PJA2: variants seen among roughly 807,000 people sequenced by gnomAD.
The protein encoded by PJA2 is praja ring finger ubiquitin ligase 2.
In PJA2, 25 loss-of-function variants were observed where a neutral mutation model predicts 69.3. The ratio of observed to expected loss-of-function variants is 0.36; its 90% CI spans 0.26 to 0.50. The LOEUF (loss-of-function observed/expected upper bound fraction) is 0.50. Among genes scored for constraint, PJA2 ranks in the 20% least tolerant of loss-of-function variants. The pLI, the probability that PJA2 is intolerant of heterozygous loss-of-function variation, is 0.96. For missense variants in PJA2, 809 were observed against 830.2 expected (o/e 0.97, Z 0.31); for synonymous variants, 308 against 277.8 (o/e 1.11, Z -1.08).
chr5:109,370,561 G>A (rs896755566), intron 4 of PJA2, among the ~76,000 whole-genome samples: 1 of 152,132 alleles, frequency 6.6e-6, no homozygotes, highest in Non-Finnish European at 1.5e-5. Context: ...CAACTAAAAG[G>A]TGTTCTTTCA....
At chr5:109,374,461 G>C (rs762123660) in intron 4 of PJA2, among the ~76,000 whole-genome samples, 3 of 152,166 alleles carry the variant, frequency 2.0e-5, no homozygotes, top group African/African-American at 7.2e-5. Flanking sequence ...CAGGAAAGGC[G>C]CTTAATTCAG....
At chr5:109,364,143 A>C (rs1446920462) in intron 5 of PJA2, among the ~76,000 whole-genome samples, 1 of 152,114 alleles carries the variant, frequency 6.6e-6, no homozygotes. Flanking sequence ...ACTGTGTCTC[A>C]AAAAACAAAA....
At chr5:109,362,275 C>T (rs894377432) in intron 6 of PJA2, among the ~76,000 whole-genome samples, 6 of 152,120 alleles carry the variant, frequency 3.9e-5, no homozygotes, top group Admixed American at 1.3e-4. Context: ...AGCATTGTAT[C>T]GTAAGAAGTA....
intron 9 of PJA2, among the ~76,000 whole-genome samples, chr5:109,337,684 GCACATGTC>G (rs1317016023): frequency 6.6e-6 from 1 of 152,074 alleles, no homozygotes; most frequent in Non-Finnish European, 1.5e-5. Context: ...AAGAATCATG[GCACATGTC>G]CACATGGAGG....
rs1212827902 is a variant in PJA2, at chr5:109,335,414, AAAG to A, written c.*1814_*1816del. The stretch of plus-strand genomic sequence containing the variant: ...AGATAATAGCTAAATCTTAACAGAC[AAAG>A]AAGAAATATTTTCTTTGGGACAGCT... On this transcript the variant is annotated 3_prime_UTR_variant, in exon 10 of 10. Transcript: ENST00000361189. The A allele has an allele frequency of 6.5e-6, 1 of 152,676 alleles. No homozygotes were observed. Among genetic ancestry groups the A allele is most frequent in the Non-Finnish European group, 1.5e-5 (1 of 68,040 alleles). 9.5% of individuals were successfully genotyped at this position (152,676 alleles called of 1,614,324 possible). A position where few individuals can be genotyped will look rare whatever the true frequency, so the allele number is the denominator to read the frequency against.
intron 1 of PJA2, among the ~76,000 whole-genome samples, chr5:109,390,078 T>C (rs1284470091): frequency 6.6e-6 from 1 of 152,026 alleles, no homozygotes; most frequent in Non-Finnish European, 1.5e-5. Context: ...TTGAATATAA[T>C]GTTCTATAAA....
chr5:109,368,881 G>T, intron 4 of PJA2, 135 bp from the exon 5 acceptor site: 1 of 868,560 alleles, frequency 1.2e-6, no homozygotes, highest in Non-Finnish European at 1.7e-6. Context: ...AAATGTTGGA[G>T]ATGGGGCCTG....
chr5:109,356,219 G>A (rs1262103919), intron 6 of PJA2, among the ~76,000 whole-genome samples, 193 bp from the exon 7 acceptor site: 4 of 152,232 alleles, frequency 2.6e-5, no homozygotes, highest in East Asian at 1.9e-4. Flanking sequence ...TGCTAAAGAT[G>A]AGTAGTTAAG....
intron 5 of PJA2, 21 bp from the exon 6 acceptor site, chr5:109,363,043 G>A (rs766116214): frequency 9.1e-6 from 14 of 1,532,488 alleles, no homozygotes; most frequent in East Asian, 4.6e-5. Context: ...CATTTTAAAG[G>A]AAGAAAAAAA....
At chr5:109,388,081 T>G (rs1347092257) in intron 1 of PJA2, among the ~76,000 whole-genome samples, 1 of 152,172 alleles carries the variant, frequency 6.6e-6, no homozygotes, top group African/African-American at 2.4e-5. Context: ...GAAGACAGTG[T>G]GATGGATGTG....
chr5:109,381,737 A>G (rs373693080), intron 2 of PJA2, 34 bp from the exon 3 acceptor site: 11 of 1,590,842 alleles, frequency 6.9e-6, no homozygotes, highest in Non-Finnish European at 9.4e-6. Context: ...AAACAGGAAC[A>G]GCAATGAGCT....
chr5:109,398,630 G>A (rs1215243226), intron 1 of PJA2, among the ~76,000 whole-genome samples: 1 of 142,752 alleles, frequency 7.0e-6, no homozygotes, highest in Non-Finnish European at 1.5e-5. Flanking sequence ...GCCTGTTGTG[G>A]GGTGGGGGAG....
chr5:109,369,404 A>ACAT (rs1225813316), intron 4 of PJA2, among the ~76,000 whole-genome samples: 4 of 152,234 alleles, frequency 2.6e-5, no homozygotes, highest in African/African-American at 7.2e-5. Context: ...TTCTTACACT[A>ACAT]CATCCATGGT....
intron 1 of PJA2, among the ~76,000 whole-genome samples, chr5:109,399,449 A>G (rs1747490340): frequency 1.3e-5 from 2 of 152,226 alleles, no homozygotes; most frequent in Admixed American, 1.3e-4. Flanking sequence ...ATGGGCACAC[A>G]GAGAAAGCTG....
rs141781166 is a variant in PJA2 at position 109,381,702 on chromosome 5, T to C, written c.33A>G (p.Ala11=). The change falls in exon 3 of 10, where the codon GCA becomes GCG. Residue 11 remains alanine, a splice_region_variant and synonymous_variant. Coordinates refer to ENST00000361189, the MANE Select transcript of PJA2 (RefSeq NM_014819.5). ...CAGCCTTACCAGATTCTTGGTCCAT[T>C]GCTGAAAAAAAAGTTAAAAAATTAA... is the stretch of plus-strand genomic sequence containing the variant. MSQYTEKEPA[A]MDQESGKAVW... The C allele has an allele frequency of 6.2e-7, 1 of 1,612,838 alleles. No homozygotes were observed. The highest frequency in any genetic ancestry group is 1.7e-5 in the Admixed American group (1 of 59,910).
At chr5:109,368,503 G>T (rs532391061) in intron 5 of PJA2, 58 bp downstream of exon 5, 2 of 1,445,068 alleles carry the variant, frequency 1.4e-6, no homozygotes, top group African/African-American at 2.8e-5. Flanking sequence ...ACATTTGAAT[G>T]TAAAATATAC....
intron 9 of PJA2, among the ~76,000 whole-genome samples, chr5:109,341,328 C>T (rs1303088391): frequency 2.0e-5 from 3 of 148,458 alleles, no homozygotes; most frequent in African/African-American, 5.0e-5. Context: ...TCTGCCCGGC[C>T]GAGACCCCGT....
chr5:109,405,309 G>C (rs765319792), intron 1 of PJA2, among the ~76,000 whole-genome samples: 4 of 152,230 alleles, frequency 2.6e-5, no homozygotes, highest in Non-Finnish European at 5.9e-5. Context: ...GAGACAACCT[G>C]TATTCATGAA....
chr5:109,347,862 A>T (rs561975198), intron 7 of PJA2, among the ~76,000 whole-genome samples: 4 of 152,320 alleles, frequency 2.6e-5, no homozygotes, highest in African/African-American at 9.6e-5. Flanking sequence ...TGTTGCAGTT[A>T]ATATTTACAG....
Sources: gnomAD v4.1 joint callset for allele counts (sites outside exome capture counted in the v4.1 genomes callset) on GRCh38, gnomAD v4.1.1 for gene constraint, MANE v1.5 for transcripts, NCBI Gene and HGNC (gene_info 2026-07-23, HGNC 2026-07-21) for gene names.